LRRC56: variants seen among roughly 807,000 people sequenced by gnomAD.
The protein encoded by LRRC56 is leucine rich repeat containing 56.
LRRC56 carries 41 observed loss-of-function variants against 47.8 expected under a neutral mutation model. The ratio of observed to expected loss-of-function variants is 0.86; its 90% CI spans 0.67 to 1.11. The LOEUF is 1.11. Ranked by LOEUF, LRRC56 falls within the 50% of genes most tolerant of loss-of-function variation. The pLI is 0.00. For missense variants in LRRC56, 759 were observed against 704.2 expected, an observed-to-expected ratio of 1.08 and a Z score of -0.88; for synonymous variants, 387 against 311.2, an observed-to-expected ratio of 1.24 and a Z score of -2.56.
the LRRC56 span, among the ~76,000 whole-genome samples, chr11:525,504 A>G: frequency 5.9e-5 from 9 of 151,680 alleles, no homozygotes; most frequent in Non-Finnish European, 1.2e-4. Context: ...GCGCCACTGC[A>G]CTCCAGCCTG....
upstream of LRRC56, among the ~76,000 whole-genome samples, chr11:536,212 G>A (rs1030359528): frequency 6.6e-6 from 1 of 152,248 alleles, no homozygotes; most frequent in Non-Finnish European, 1.5e-5. Flanking sequence ...CCAGGCGTGA[G>A]AACGCCCCCT....
rs1589818324 is a variant in LRRC56 at position 551,810 on chromosome 11, C to G, written c.956C>G (p.Thr319Ser). Residue 319 changes from threonine (T) to serine (S), a missense_variant, in exon 10 of 14, where the codon ACC (threonine) becomes AGC (serine). By Grantham distance (58) the Thr-to-Ser change is moderately conservative. Transcript: ENST00000270115. ...LSEDLAPEDN[T>S]SSLTHGAGQV... ...GAGGACCTGGCCCCAGAAGATAACA[C>G]CAGCAGCCTCACCCATGGTAACTGA... 6.2e-7 allele frequency: 1 copy of G among 1,607,632 alleles called. No individual in the cohort carries two copies. Among genetic ancestry groups the G allele is most frequent in the Admixed American group, 1.7e-5 (1 of 59,626 alleles).
chr11:526,253 C>G, the LRRC56 span, among the ~76,000 whole-genome samples: 1 of 152,154 alleles, frequency 6.6e-6, no homozygotes, highest in Non-Finnish European at 1.5e-5. Context: ...AAGACTTGAA[C>G]AAAAACTTCA....
upstream of LRRC56, chr11:534,683 A>G: frequency 5.5e-6 from 2 of 364,162 alleles, no homozygotes; most frequent in Non-Finnish European, 1.0e-5. Flanking sequence ...CAGAAAGGCT[A>G]AAGGGAGGCG....
the LRRC56 span, among the ~76,000 whole-genome samples, chr11:530,500 G>A: frequency 7.4e-6 from 1 of 134,802 alleles, no homozygotes; most frequent in Non-Finnish European, 1.6e-5. Context: ...TGGAGAGAAG[G>A]GCGAGTGTGG....
At chr11:533,280 G>A (rs1322826799), upstream of LRRC56, 11 of 1,588,804 alleles carry the variant, frequency 6.9e-6, no homozygotes, top group Admixed American at 3.5e-5. Context: ...GACTTACAGC[G>A]CGAGGGGCCG....
rs201960180 is a variant in LRRC56 at position 540,765 on chromosome 11, C to A, written c.81C>A (p.Gly27=). 3 of 1,610,870 alleles carry A rather than the reference C, an allele frequency of 1.9e-6. No individual in the cohort carries two copies. The highest frequency in any genetic ancestry group is 1.7e-6 in the Non-Finnish European group (2 of 1,179,258). ...GGGTGCGGGAGCTGAGCTGGCAAGG[C>A]CTGCACAACCCCTGCCCACAGAGCA... ...SVRVRELSWQ[G]LHNPCPQSKG... Residue 27 remains glycine (G), a synonymous_variant, in exon 4 of 14, where the codon GGC becomes GGA. Transcript: ENST00000270115.
At chr11:507,653 A>T in the LRRC56 span, among the ~76,000 whole-genome samples, 1 of 152,204 alleles carries the variant, frequency 6.6e-6, no homozygotes, top group Admixed American at 6.5e-5. Flanking sequence ...CCCCCGGAGA[A>T]AGCGGCCGCC....
chr11:554,674 G>A lies in LRRC56; in HGVS notation c.*398G>A, dbSNP rs1852664865. On this transcript the variant is annotated 3_prime_UTR_variant, in exon 14 of 14. Coordinates refer to ENST00000270115, the MANE Select transcript of LRRC56 (RefSeq NM_198075.4). ...CTCCCTTGCCGGCCCCAGGGTAAGA[G>A]CCACCTCCTAGGCCGCAGTGGCCCA... is the stretch of plus-strand genomic sequence containing the variant. 2.4e-6 allele frequency: 1 copy of A among 415,906 alleles called. No individual in the cohort carries two copies. Among genetic ancestry groups the A allele is most frequent in the East Asian group, 4.3e-5 (1 of 23,206 alleles). 25.8% of individuals were successfully genotyped at this position (415,906 alleles called of 1,614,324 possible).
At chr11:510,780 G>A in the LRRC56 span, among the ~76,000 whole-genome samples, 4 of 150,586 alleles carry the variant, frequency 2.7e-5, no homozygotes, top group Non-Finnish European at 5.9e-5. Context: ...GTGGTGGCCT[G>A]CACCTGTAAT....
intron 2 of LRRC56, among the ~76,000 whole-genome samples, chr11:539,203 C>G (rs1038842749): frequency 3.3e-5 from 5 of 152,198 alleles, no homozygotes; most frequent in Non-Finnish European, 5.9e-5. Context: ...GCCTCAGCCT[C>G]CCAAGTAGCT....
chr11:521,877 T>G, the LRRC56 span, among the ~76,000 whole-genome samples: 1 of 150,958 alleles, frequency 6.6e-6, no homozygotes, highest in Non-Finnish European at 1.5e-5. Context: ...ATCACGCCAC[T>G]GCACTCCAGC....
At position 541,705 on chromosome 11, in the gene LRRC56, A is replaced by G; in HGVS notation, c.265+81A>G. On this transcript the variant is annotated intron_variant, in intron 5 of 13. Transcript: ENST00000270115. The surrounding 1 kb of genome is among the most constrained non-coding windows in gnomAD (Gnocchi z 4.1). ...CAACACACGTTTCCTGGTTATGACG[A>G]CAAAGCTGTCCTCACCTCTCGGGCC... 1 of 921,882 alleles carries G rather than the reference A, an allele frequency of 1.1e-6. No individual in the cohort carries two copies. Among genetic ancestry groups the G allele is most frequent in the African/African-American group, 1.7e-5 (1 of 58,674 alleles). The allele number at this position is 921,882 out of a possible 1,614,324, so 57.1% of individuals were successfully genotyped here. A position where few individuals can be genotyped will look rare whatever the true frequency, so the allele number is the denominator to read the frequency against.
upstream of LRRC56, chr11:535,445 AGGGCCGGGGCCGAGGCC>A (rs2134002617): frequency 6.8e-6 from 1 of 146,660 alleles, no homozygotes; most frequent in Non-Finnish European, 1.5e-5. Context: ...CCCCGGGGCC[AGGGCCGGGGCCGAGGCC>A]GGGGCGGGGC....
intron 6 of LRRC56, among the ~76,000 whole-genome samples, chr11:549,387 A>G (rs1468620685): frequency 1.3e-5 from 2 of 152,062 alleles, no homozygotes; most frequent in Non-Finnish European, 2.9e-5. Flanking sequence ...CCCGGCAGGA[A>G]GCAACCTGTC....
chr11:507,899 G>C, the LRRC56 span, among the ~76,000 whole-genome samples: 3 of 152,254 alleles, frequency 2.0e-5, no homozygotes, highest in Non-Finnish European at 2.9e-5. Flanking sequence ...TTCTGAGCGC[G>C]GTCCGAGCTG....
rs1564810116 is a variant in LRRC56 at position 554,044 on chromosome 11, C to CGCGGTGG, written c.1398_1404dup (p.Ser469AlafsTer25). The CGCGGTGG allele has an allele frequency of 2.5e-6, 4 of 1,611,826 alleles. No individual in the cohort carries two copies. The Admixed American group carries it at 6.7e-5, about 27-fold the overall frequency. On this transcript the variant is annotated frameshift_variant, in exon 14 of 14. Coordinates refer to ENST00000270115, the MANE Select transcript of LRRC56 (RefSeq NM_198075.4). LOFTEE classifies it low-confidence loss of function (END_TRUNC). ...CCACGAGATTCTGGCAGCAGCTCCC[C>CGCGGTGG]GCGGTGGTCGACAGACCTGCAGTCC... is the stretch of plus-strand genomic sequence containing the variant.
the LRRC56 span, among the ~76,000 whole-genome samples, chr11:521,415 C>A: frequency 4.6e-5 from 7 of 152,056 alleles, no homozygotes; most frequent in Non-Finnish European, 1.0e-4. Flanking sequence ...CTCAAGCAAC[C>A]CTCCTGCCTC....
the LRRC56 span, among the ~76,000 whole-genome samples, chr11:516,818 C>A: frequency 6.6e-6 from 1 of 152,184 alleles, no homozygotes; most frequent in Non-Finnish European, 1.5e-5. Context: ...CAGAATCCAG[C>A]AGGCTTATAA....
Sources: allele counts gnomAD v4.1 joint callset (sites outside exome capture counted in the v4.1 genomes callset), GRCh38; gene constraint gnomAD v4.1.1; non-coding constraint Gnocchi (gnomAD v3.1); transcripts MANE v1.5; gene names NCBI Gene and HGNC (gene_info 2026-07-23, HGNC 2026-07-21).